SCLY: variants seen among roughly 807,000 people sequenced by gnomAD.
The protein encoded by SCLY is selenocysteine lyase.
A neutral mutation model predicts 50.1 loss-of-function variants in SCLY; 38 were observed. That is an observed-to-expected ratio of 0.76 (90% CI 0.59 to 0.99). The LOEUF is 0.99. SCLY is among the 50% of genes least tolerant of loss of function. The probability of loss-of-function intolerance (pLI) is 0.00; values close to 1 mark genes in which losing one functional copy is unlikely to be tolerated. For missense variants in SCLY, 600 were observed against 620.0 expected, an observed-to-expected ratio of 0.97 and a Z score of 0.34; for synonymous variants, 243 against 249.4, an observed-to-expected ratio of 0.97 and a Z score of 0.24.
chr2:238,086,024 C>T (rs2065294407), intron 7 of SCLY, among the ~76,000 whole-genome samples: 1 of 152,196 alleles, frequency 6.6e-6, no homozygotes, highest in South Asian at 2.1e-4. Flanking sequence ...AAAGATGACA[C>T]TTCACCAGTA....
chr2:238,087,348 A>G (rs928452230), intron 7 of SCLY, among the ~76,000 whole-genome samples: 2 of 152,132 alleles, frequency 1.3e-5, no homozygotes, highest in African/African-American at 4.8e-5. Context: ...GCAGCCATCA[A>G]AAGGATAATG....
chr2:238,096,945 G>A (rs13033964), intron 11 of SCLY, 69 bp downstream of exon 11: 238,284 of 1,418,800 alleles, frequency 0.17, 21,280 homozygotes, highest in South Asian at 0.26. Context: ...GTGGGCAGGC[G>A]GCAGGATCCG....
chr2:238,091,513 G>T, intron 8 of SCLY: 1 of 498,170 alleles, frequency 2.0e-6, no homozygotes. Context: ...CAGTGATACT[G>T]TTACAGCAGA....
intron 4 of SCLY, among the ~76,000 whole-genome samples, chr2:238,070,883 G>C (rs972473772): frequency 6.7e-6 from 1 of 149,556 alleles, no homozygotes; most frequent in African/African-American, 2.5e-5. Flanking sequence ...CCAGGCTGAT[G>C]CATAGTGGTG....
intron 10 of SCLY, 148 bp from the exon 11 acceptor site, chr2:238,096,653 T>C: frequency 1.2e-6 from 1 of 834,172 alleles, no homozygotes; most frequent in Admixed American, 2.2e-5. Flanking sequence ...GTGAGATCTC[T>C]CCCCAGCTGC....
chr2:238,090,517 G>A (rs2065350601), intron 7 of SCLY, among the ~76,000 whole-genome samples: 1 of 152,172 alleles, frequency 6.6e-6, no homozygotes, highest in African/African-American at 2.4e-5. Flanking sequence ...GCACATGCCT[G>A]TAATCCCAGA....
In SCLY at chr2:238,082,209, G is replaced by A; in HGVS notation, c.777G>A (p.Lys259=). Reference sequence around the variant, plus strand: ...ACTTCCTTACAATCGTGGGGCACAAGGTAAGTCTGCAGAGGCTTCCTGCCT... The same window carrying A: ...ACTTCCTTACAATCGTGGGGCACAAAGTAAGTCTGCAGAGGCTTCCTGCCT... ...GVDFLTIVGH[K]FYGPRIGALY... Residue 259 remains lysine, a splice_region_variant and synonymous_variant, in exon 6 of 12, where the codon AAG becomes AAA. Coordinates refer to ENST00000254663, the MANE Select transcript of SCLY (RefSeq NM_016510.7). The A allele has an allele frequency of 6.2e-7, 1 of 1,600,120 alleles. No homozygotes were observed. Among genetic ancestry groups the A allele is most frequent in the East Asian group, 2.3e-5 (1 of 44,330 alleles).
intron 4 of SCLY, among the ~76,000 whole-genome samples, chr2:238,074,272 C>G (rs1275928437): frequency 6.6e-6 from 1 of 151,294 alleles, no homozygotes; most frequent in African/African-American, 2.4e-5. Context: ...TGTCACCACA[C>G]TCCAGCCTGA....
At chr2:238,075,819 G>A (rs2065167327) in intron 4 of SCLY, among the ~76,000 whole-genome samples, 1 of 151,968 alleles carries the variant, frequency 6.6e-6, no homozygotes, top group African/African-American at 2.4e-5. Context: ...ACTAACTTTT[G>A]ATTTTCCTGT....
At chr2:238,096,934 G>T in intron 11 of SCLY, 58 bp downstream of exon 11, 3 of 1,484,142 alleles carry the variant, frequency 2.0e-6, no homozygotes, top group Non-Finnish European at 2.7e-6. Context: ...CACTGGGTGT[G>T]GTGGGCAGGC....
chr2:238,065,660 T>TTTTATTATTATTA (rs71402758), intron 2 of SCLY, among the ~76,000 whole-genome samples: 2 of 143,514 alleles, frequency 1.4e-5, no homozygotes, highest in Admixed American at 6.9e-5. Context: ...AATATTTTAT[T>TTTTATTATTATTA]TTATTATTAT....
chr2:238,088,977 A>G (rs939555868), intron 7 of SCLY, among the ~76,000 whole-genome samples: 1 of 152,224 alleles, frequency 6.6e-6, no homozygotes, highest in African/African-American at 2.4e-5. Flanking sequence ...AAGAGGTAAA[A>G]TTGTTTCTAA....
chr2:238,094,562 A>T (rs772474573), intron 10 of SCLY, 40 bp downstream of exon 10: 3 of 1,509,540 alleles, frequency 2.0e-6, no homozygotes, highest in Non-Finnish European at 2.8e-6. Context: ...GTGTGAGCAC[A>T]GCTCCCTCGG....
intron 7 of SCLY, among the ~76,000 whole-genome samples, chr2:238,090,786 G>A (rs986152782): frequency 8.6e-5 from 13 of 151,962 alleles, no homozygotes; most frequent in South Asian, 2.1e-4. Context: ...ACACCCACAC[G>A]CGCTTGCACA....
chr2:238,072,935 T>C (rs2065140971), intron 4 of SCLY, among the ~76,000 whole-genome samples: 1 of 152,228 alleles, frequency 6.6e-6, no homozygotes, highest in South Asian at 2.1e-4. Flanking sequence ...AAGAAGATTT[T>C]GTCCTACCCA....
At chr2:238,085,759 A>G (rs2065289636) in intron 7 of SCLY, among the ~76,000 whole-genome samples, 1 of 152,154 alleles carries the variant, frequency 6.6e-6, no homozygotes, top group Non-Finnish European at 1.5e-5. Context: ...ATAGAGCTTC[A>G]GGGACCTATG....
Position 238,074,270 on chromosome 2 carries a change from C to T in SCLY, c.484+4793C>T, listed in dbSNP as rs999727424. ...GTAGTGAACTGAGATGGTGTCACCA[C>T]ACTCCAGCCTGAGCAACAGAGCAAG... On this transcript the variant is annotated intron_variant, in intron 4 of 11. Coordinates refer to ENST00000254663, the MANE Select transcript of SCLY (RefSeq NM_016510.7). Among the ~76,000 whole-genome samples the T allele has an allele frequency of 3.3e-5, 5 of 151,344 alleles. No individual in the cohort carries two copies. The East Asian group carries it at 9.7e-4, about 29-fold the overall frequency.
At chr2:238,088,369 C>G (rs2065323390) in intron 7 of SCLY, among the ~76,000 whole-genome samples, 1 of 152,002 alleles carries the variant, frequency 6.6e-6, no homozygotes. Context: ...GGCTGAGGCA[C>G]AAGAATCGAT....
At position 238,069,250 on chromosome 2, in the gene SCLY, A is replaced by AC. The variant is rs2065104322; in HGVS notation, c.304-45dup. 6.4e-7 allele frequency: 1 copy of AC among 1,562,748 alleles called. No homozygotes were observed. Among genetic ancestry groups the AC allele is most frequent in the African/African-American group, 1.4e-5 (1 of 73,196 alleles). ...AACAGAAATTGTTGCTCTGACCCTTACCTCAGCACAGTTTTTGTAAATGCT... is the reference window on the plus strand; with the variant it reads ...AACAGAAATTGTTGCTCTGACCCTTACCCTCAGCACAGTTTTTGTAAATGCT... On this transcript the variant is annotated intron_variant, in intron 3 of 11. Transcript: ENST00000254663. The surrounding 1 kb of genome is among the most constrained non-coding windows in gnomAD (Gnocchi z 5.0).
Sources: gnomAD v4.1 joint callset for allele counts (sites outside exome capture counted in the v4.1 genomes callset) on GRCh38, gnomAD v4.1.1 for gene constraint, Gnocchi (gnomAD v3.1) non-coding constraint, MANE v1.5 for transcripts, NCBI Gene and HGNC (gene_info 2026-07-23, HGNC 2026-07-21) for gene names.